PCNX1: variants seen among roughly 807,000 people sequenced by gnomAD.
PCNX1 encodes the protein pecanex-like protein 1.
Under a neutral mutation model 242.2 loss-of-function variants are expected in PCNX1, and 78 were observed. The observed-to-expected ratio is 0.32, with a 90% CI of 0.27 to 0.39. The LOEUF (loss-of-function observed/expected upper bound fraction) is 0.39. PCNX1 is among the 10% of genes least tolerant of loss of function. The probability of loss-of-function intolerance (pLI) is 1.00; values close to 1 mark genes in which losing one functional copy is unlikely to be tolerated. For missense variants in PCNX1, 2,581 were observed against 2,856.5 expected (o/e 0.90, Z 2.20); for synonymous variants, 1,024 against 1,032.9 (o/e 0.99, Z 0.17).
In PCNX1 at chr14:71,098,547, T is replaced by TGAGAGAGA. The variant is rs528643008; in HGVS notation, c.5590-3442_5590-3441insAGAGAGAG. Among the ~76,000 whole-genome samples the TGAGAGAGA allele has an allele frequency of 9.5e-5, 12 of 126,212 alleles. 1 individual carries two copies. The highest frequency in any genetic ancestry group is 3.2e-4 in the African/African-American group (10 of 31,104). The allele number at this position is 126,212 out of a possible 152,430, so 82.8% of individuals were successfully genotyped here. ...GTGTGTGTGTGTGTGTGTGTGTGTGTGTGTGTGAGAGAGAGAGAGAGAACA... is the reference window on the plus strand; with the variant it reads ...GTGTGTGTGTGTGTGTGTGTGTGTGTGAGAGAGAGTGTGTGAGAGAGAGAGAGAGAACA... On this transcript the variant is annotated intron_variant, in intron 30 of 35. Transcript: ENST00000304743.
At chr14:71,068,591 CGTGTGTGTGT>C (rs373964832) in intron 26 of PCNX1, among the ~76,000 whole-genome samples, 16 of 124,016 alleles carry the variant, frequency 1.3e-4, no homozygotes, top group Middle Eastern at 3.9e-3. Context: ...TATGTACGTG[CGTGTGTGTGT>C]GTGTGTGTGT....
intron 7 of PCNX1, among the ~76,000 whole-genome samples, chr14:70,993,391 G>A (rs550700698): frequency 2.0e-5 from 3 of 152,118 alleles, no homozygotes; most frequent in South Asian, 4.1e-4. Flanking sequence ...GCCTCCCAAA[G>A]TGCTGGAATC....
At chr14:70,944,570 G>A (rs962703502) in intron 1 of PCNX1, among the ~76,000 whole-genome samples, 1 of 152,194 alleles carries the variant, frequency 6.6e-6, no homozygotes, top group Non-Finnish European at 1.5e-5. Context: ...TTTGGGCTTG[G>A]ACTTTTGAGT....
At chr14:71,012,849 G>C (rs940698213) in intron 10 of PCNX1, 136 bp from the exon 11 acceptor site, 1 of 643,204 alleles carries the variant, frequency 1.6e-6, no homozygotes, top group Non-Finnish European at 2.7e-6. Flanking sequence ...GTGTATGAGA[G>C]AAGAAAATTA....
At chr14:71,033,273 C>G (rs1267354591) in intron 16 of PCNX1, among the ~76,000 whole-genome samples, 156 bp from the exon 17 acceptor site, 2 of 152,172 alleles carry the variant, frequency 1.3e-5, no homozygotes, top group African/African-American at 2.4e-5. Context: ...AGTAATAAAT[C>G]TAAATTTTTC....
intron 6 of PCNX1, among the ~76,000 whole-genome samples, chr14:70,987,610 G>C (rs1278204823): frequency 2.6e-5 from 4 of 152,098 alleles, no homozygotes; most frequent in Admixed American, 2.0e-4. Flanking sequence ...TTTCTCAAAA[G>C]CAAAATGATT....
intron 20 of PCNX1, among the ~76,000 whole-genome samples, chr14:71,046,094 G>C (rs1359524795): frequency 1.3e-5 from 2 of 151,772 alleles, no homozygotes; most frequent in African/African-American, 4.8e-5. Context: ...TCAGTTGCTT[G>C]AAGATAACTT....
Position 70,977,620 on chromosome 14 carries a change from G to A in PCNX1, c.1283G>A (p.Gly428Glu). ...EESPKAGTKSGRKKECCAGPE... is the reference protein window; with the variant it reads ...EESPKAGTKSERKKECCAGPE... ...TCTCCTAAAGCAGGAACAAAAAGTG[G>A]GAGGAAGAAAGAGTGCTGTGCAGGC... is the stretch of plus-strand genomic sequence containing the variant. Residue 428 changes from glycine to glutamate, a missense_variant, in exon 6 of 36, where the codon GGG (glycine) becomes GAG (glutamate). Transcript: ENST00000304743. 1 of 1,614,146 alleles carries A rather than the reference G, an allele frequency of 6.2e-7. No individual in the cohort carries two copies. Among genetic ancestry groups the A allele is most frequent in the Non-Finnish European group, 8.5e-7 (1 of 1,180,024 alleles).
intron 18 of PCNX1, among the ~76,000 whole-genome samples, chr14:71,034,297 G>T (rs1390234123): frequency 6.6e-6 from 1 of 151,932 alleles, no homozygotes; most frequent in East Asian, 1.9e-4. Context: ...TCATTTCATT[G>T]GCCATAGAAT....
chr14:70,968,338 A>C, intron 4 of PCNX1, 95 bp downstream of exon 4: 1 of 706,714 alleles, frequency 1.4e-6, no homozygotes, highest in Non-Finnish European at 2.4e-6. Flanking sequence ...TGTAATGAAA[A>C]AAATCATTCT....
In PCNX1 at chr14:71,076,180, TCA is replaced by T. The variant is rs1595447565; in HGVS notation, c.5107-8_5107-7del. Reference sequence around the variant, plus strand: ...CTGAATTCTTTTTTTTTTGTCTTGTTCATGTTAGGGTATCATTTATTATGTTA... The same window carrying T: ...CTGAATTCTTTTTTTTTTGTCTTGTTTGTTAGGGTATCATTTATTATGTTA... On this transcript the variant is annotated splice_polypyrimidine_tract_variant and splice_region_variant and intron_variant, in intron 27 of 35. Coordinates refer to ENST00000304743, the MANE Select transcript of PCNX1 (RefSeq NM_014982.3). 1 of 1,518,382 alleles carries T rather than the reference TCA, an allele frequency of 6.6e-7. No individual in the cohort carries two copies. The highest frequency in any genetic ancestry group is 9.1e-7 in the Non-Finnish European group (1 of 1,095,228). The allele number at this position is 1,518,382 out of a possible 1,614,324, so 94.1% of individuals were successfully genotyped here. A position where few individuals can be genotyped will look rare whatever the true frequency, so the allele number is the denominator to read the frequency against.
chr14:70,960,312 A>G (rs1424776325), intron 2 of PCNX1, among the ~76,000 whole-genome samples: 2 of 147,062 alleles, frequency 1.4e-5, no homozygotes, highest in Admixed American at 6.8e-5. Context: ...GCCCATGCCT[A>G]TGTCCTGAAT....
intron 9 of PCNX1, among the ~76,000 whole-genome samples, chr14:71,010,222 GCA>G (rs1228268883): frequency 5.3e-5 from 8 of 151,964 alleles, no homozygotes; most frequent in Admixed American, 1.3e-4. Context: ...TCTTACAGTG[GCA>G]CAGTGTTTTC....
intron 1 of PCNX1, among the ~76,000 whole-genome samples, chr14:70,940,802 A>G (rs1257471937): frequency 1.3e-5 from 2 of 151,928 alleles, no homozygotes; most frequent in East Asian, 3.9e-4. Context: ...ATAGTCCCAT[A>G]TTTCTTGGAG....
intron 15 of PCNX1, 33 bp downstream of exon 15, chr14:71,026,915 A>G: frequency 1.1e-6 from 1 of 903,048 alleles, no homozygotes; most frequent in Non-Finnish European, 1.8e-6. Flanking sequence ...TATAGATTAC[A>G]GTATTACCTT....
At chr14:71,082,383 C>G (rs943048327) in intron 28 of PCNX1, among the ~76,000 whole-genome samples, 1 of 152,060 alleles carries the variant, frequency 6.6e-6, no homozygotes, top group Non-Finnish European at 1.5e-5. Flanking sequence ...TCTGCTTGGT[C>G]CAGAGCGGAG....
intron 14 of PCNX1, 21 bp from the exon 15 acceptor site, chr14:71,026,751 T>C: frequency 9.1e-7 from 1 of 1,096,230 alleles, no homozygotes; most frequent in Non-Finnish European, 1.4e-6. Flanking sequence ...TTTTAAAATA[T>C]ACTTTTCTTT....
intron 1 of PCNX1, among the ~76,000 whole-genome samples, chr14:70,909,665 A>G (rs552193077): frequency 7.2e-5 from 11 of 152,296 alleles, no homozygotes; most frequent in Non-Finnish European, 1.2e-4. Flanking sequence ...ATGTTACTGA[A>G]AGAATATTAG....
chr14:71,006,148 TGTGTGTGTGTGTGTGTGTG>T (rs1234163193), intron 8 of PCNX1, among the ~76,000 whole-genome samples: 6 of 116,222 alleles, frequency 5.2e-5, no homozygotes, highest in African/African-American at 2.3e-4. Flanking sequence ...TGTGTGTGTG[TGTGTGTGTGTGTGTGTGTG>T]TGTAGAGATG....
Sources: allele counts gnomAD v4.1 joint callset (sites outside exome capture counted in the v4.1 genomes callset), GRCh38; gene constraint gnomAD v4.1.1; transcripts MANE v1.5; gene names NCBI Gene and HGNC (gene_info 2026-07-23, HGNC 2026-07-21).